The following PSRC1 variants were observed in gnomAD, a reference collection of about 807,000 sequenced individuals.
The protein encoded by PSRC1 is proline and serine rich coiled-coil 1.
Under a neutral mutation model 31.9 loss-of-function variants are expected in PSRC1, and 30 were observed. That is an observed-to-expected ratio of 0.94 (90% confidence interval 0.70 to 1.28). The LOEUF is 1.28. Among genes scored for constraint, PSRC1 ranks in the 50% most tolerant of loss-of-function variants. The pLI, the probability that PSRC1 is intolerant of heterozygous loss-of-function variation, is 0.00. For missense variants in PSRC1, 481 were observed against 472.8 expected, an observed-to-expected ratio of 1.02 and a Z score of -0.16; for synonymous variants, 191 against 192.1, an observed-to-expected ratio of 0.99 and a Z score of 0.05.
At chr1:109,283,100 A>G (rs796120810) in exon 1 of PSRC1, 8 of 279,802 alleles carry the variant, frequency 2.9e-5, no homozygotes, top group African/African-American at 1.8e-4. Context: ...GCGCCGCCTT[A>G]TCTTCCACGC....
At chr1:109,281,087 A>G in exon 5 of PSRC1, 5 of 1,613,324 alleles carry the variant, frequency 3.1e-6, no homozygotes, top group Non-Finnish European at 4.2e-6. Flanking sequence ...TCAATCCCAC[A>G]AACTCCCCAC....
exon 5 of PSRC1, chr1:109,280,809 G>A: frequency 6.2e-7 from 1 of 1,600,644 alleles, no homozygotes; most frequent in Non-Finnish European, 8.5e-7. Flanking sequence ...TCTGTGTCCT[G>A]CAGTGCTTGG....
chr1:109,282,191 TG>T, intron 3 of PSRC1, 131 bp from the exon 4 acceptor site: 1 of 834,610 alleles, frequency 1.2e-6, no homozygotes, highest in Non-Finnish European at 1.8e-6. Context: ...ATGCTGGCTG[TG>T]AGATGTGGCC....
chr1:109,281,172 C>G, exon 5 of PSRC1: 1 of 1,613,556 alleles, frequency 6.2e-7, no homozygotes, highest in Non-Finnish European at 8.5e-7. Flanking sequence ...GGCTCTCCCC[C>G]GGACTGGGGG....
intron 5 of PSRC1, 43 bp from the exon 7 acceptor site, chr1:109,280,532 A>G (rs751718295): frequency 2.0e-6 from 3 of 1,503,346 alleles, no homozygotes; most frequent in African/African-American, 1.4e-5. Flanking sequence ...CAGCAAGTTT[A>G]ACTGACCTCG....
At chr1:109,282,143 C>G in intron 3 of PSRC1, 83 bp from the exon 4 acceptor site, 1 of 1,264,376 alleles carries the variant, frequency 7.9e-7, no homozygotes, top group South Asian at 1.7e-5. Flanking sequence ...AAAAGCCCCA[C>G]AACAGAGCCA....
rs560118639 is a variant in PSRC1 at position 109,281,993 on chromosome 1, G to A, written c.145C>T (p.Arg49Ter). The A allele has an allele frequency of 1.3e-5, 19 of 1,516,424 alleles. No individual in the cohort carries two copies. The East Asian group carries it at 1.4e-4, about 11-fold the overall frequency. 93.9% of individuals were successfully genotyped at this position (1,516,424 alleles called of 1,614,324 possible). The change falls in exon 4 of 7, where the codon CGA becomes TGA. Residue 49 changes from arginine (R) to a stop codon, truncating the protein, a stop_gained. Transcript: ENST00000409138. LOFTEE classifies it high-confidence loss of function. The stretch of plus-strand genomic sequence containing the variant: ...GGTGCCACTGCATTTGGGTCACTTC[G>A]GTGGGAGAGGCCCCGTCGAAGTGGT...
At chr1:109,282,020 T>C in exon 4 of PSRC1, 1 of 1,507,028 alleles carries the variant, frequency 6.6e-7, no homozygotes, top group Non-Finnish European at 8.9e-7. Context: ...CGAAGTGGTT[T>C]CTCTGGAGTC....
chr1:109,283,027 C>T (rs1420687881), intron 1 of PSRC1, 36 bp downstream of exon 1: 4 of 467,194 alleles, frequency 8.6e-6, no homozygotes, highest in Admixed American at 7.6e-5. Context: ...CCCCAAGCCA[C>T]CTTTCCACTC....
In PSRC1 at chr1:109,283,068, G is replaced by T; in HGVS notation, c.-34+6C>A. The T allele has an allele frequency of 2.8e-6, 1 of 358,776 alleles. No homozygotes were observed. Among genetic ancestry groups the T allele is most frequent in the Non-Finnish European group, 5.1e-6 (1 of 195,148 alleles). The allele number at this position is 358,776 out of a possible 1,614,324, so 22.2% of individuals were successfully genotyped here. On this transcript the variant is annotated splice_donor_region_variant and intron_variant, in intron 1 of 6. It adds an upstream start codon to the 5' untranslated region. Transcript: ENST00000409138. The stretch of plus-strand genomic sequence containing the variant: ...GCATCACACGCGAAGCACACCTCCA[G>T]CCCACCCTGTGTCCACTTCCCGCGC...
In PSRC1 at chr1:109,282,662, C is replaced by T; in HGVS notation, c.19+18G>A. On this transcript the variant is annotated intron_variant, in intron 2 of 6. Coordinates refer to ENST00000409138, the Ensembl canonical transcript of PSRC1. ...GTCTCACTCCTCCCTTTCATTCTTC[C>T]CTCCCTCCTTTCCTTACCTTCCTCC... 1 of 1,571,382 alleles carries T rather than the reference C, an allele frequency of 6.4e-7. No homozygotes were observed. Among genetic ancestry groups the T allele is most frequent in the Non-Finnish European group, 8.6e-7 (1 of 1,156,474 alleles).
At chr1:109,279,829 T>G (rs1007827329) in exon 7 of PSRC1, 2 of 396,292 alleles carry the variant, frequency 5.0e-6, no homozygotes, top group African/African-American at 4.0e-5. Context: ...TAAAATTCTC[T>G]GGGGCTGACC....
rs552437788 is a variant in PSRC1, at chr1:109,281,262, A to AAG, written c.520-13_520-12dup. 4 of 1,561,180 alleles carry AAG rather than the reference A, an allele frequency of 2.6e-6. No individual in the cohort carries two copies. The highest frequency in any genetic ancestry group is 3.5e-6 in the Non-Finnish European group (4 of 1,150,618). Reference sequence around the variant, plus strand: ...GCAAGTGGGTGACTCCTGAAACACAAAGAGAGAGAGAAAAAAGACTAGAGT... The same window carrying AAG: ...GCAAGTGGGTGACTCCTGAAACACAAAGAGAGAGAGAGAAAAAAGACTAGAGT... On this transcript the variant is annotated splice_polypyrimidine_tract_variant and intron_variant, in intron 4 of 6. Coordinates refer to ENST00000409138, the Ensembl canonical transcript of PSRC1.
exon 3 of PSRC1, chr1:109,282,526 T>C (rs558425622): frequency 7.8e-5 from 126 of 1,613,734 alleles, no homozygotes; most frequent in Non-Finnish European, 9.7e-5. Flanking sequence ...ACCTGTCAGA[T>C]GGTGACAGCC....
At position 109,280,058 on chromosome 1, in the gene PSRC1, G is replaced by C. The variant is rs557748158; in HGVS notation, c.*95C>G. On this transcript the variant is annotated 3_prime_UTR_variant, in exon 7 of 7. Coordinates refer to ENST00000409138, the Ensembl canonical transcript of PSRC1. ...ATCTCTTCCTCCTGTCCCTGGGCCAGAATCTGCTGGAGTCAGGGTCTGCTG... is the reference window on the plus strand; with the variant it reads ...ATCTCTTCCTCCTGTCCCTGGGCCACAATCTGCTGGAGTCAGGGTCTGCTG... 1.9e-6 allele frequency: 3 copies of C among 1,550,212 alleles called. No individual in the cohort carries two copies. The South Asian group carries it at 3.3e-5, about 17-fold the overall frequency.
chr1:109,282,414 C>A, intron 3 of PSRC1, 104 bp downstream of exon 3: 1 of 1,137,460 alleles, frequency 8.8e-7, no homozygotes, highest in South Asian at 1.3e-5. Flanking sequence ...CCAAGTGCGC[C>A]AAACCTTGCT....
At chr1:109,282,403 C>T in intron 3 of PSRC1, 115 bp downstream of exon 3, 1 of 948,018 alleles carries the variant, frequency 1.1e-6, no homozygotes, top group Non-Finnish European at 1.6e-6. Flanking sequence ...GCCCAGCAGC[C>T]CCAAGTGCGC....
At chr1:109,281,229 A>G in exon 5 of PSRC1, 1 of 1,603,634 alleles carries the variant, frequency 6.2e-7, no homozygotes, top group Non-Finnish European at 8.5e-7. Flanking sequence ...GGATGCAGGG[A>G]ACAGATTGCA....
intron 6 of PSRC1, 107 bp from the exon 8 acceptor site, chr1:109,280,263 C>T (rs1656822345): frequency 1.4e-6 from 2 of 1,457,912 alleles, no homozygotes; most frequent in Non-Finnish European, 1.9e-6. Flanking sequence ...TGGGATCCCC[C>T]TTCCCCTGCC....
Sources: allele counts gnomAD v4.1 joint callset, GRCh38; gene constraint gnomAD v4.1.1; transcripts MANE v1.5; gene names NCBI Gene and HGNC (gene_info 2026-07-23, HGNC 2026-07-21).